ABCA13: variants seen among roughly 807,000 people sequenced by gnomAD.
The protein encoded by ABCA13 is ATP-binding cassette sub-family A member 13.
In ABCA13, 476 loss-of-function variants were observed where a neutral mutation model predicts 478.7. The observed-to-expected ratio is 0.99, with a 90% CI of 0.92 to 1.07. The LOEUF is 1.07. ABCA13 is among the 50% of genes least tolerant of loss of function. The pLI is 0.00. For missense variants in ABCA13, 6,060 were observed against 5,910.6 expected (o/e 1.03, Z -0.83); for synonymous variants, 2,252 against 2,158.9 (o/e 1.04, Z -1.20).
At chr7:48,378,089 G>A (rs1813783207) in intron 35 of ABCA13, among the ~76,000 whole-genome samples, 1 of 152,176 alleles carries the variant, frequency 6.6e-6, no homozygotes, top group East Asian at 1.9e-4. Context: ...ATCCCACTGT[G>A]GAATTCTAAA....
At chr7:48,231,576 A>G (rs982363452) in intron 7 of ABCA13, among the ~76,000 whole-genome samples, 1 of 152,130 alleles carries the variant, frequency 6.6e-6, no homozygotes, top group Non-Finnish European at 1.5e-5. Flanking sequence ...AGTAGATTGG[A>G]GGCAGGTAGT....
chr7:48,336,753 G>A (rs1179246792), intron 28 of ABCA13, among the ~76,000 whole-genome samples: 1 of 152,214 alleles, frequency 6.6e-6, no homozygotes, highest in Admixed American at 6.5e-5. Flanking sequence ...TTCTCACAGC[G>A]ACCATGGCCA....
chr7:48,206,196 G>T (rs903463515), intron 3 of ABCA13, among the ~76,000 whole-genome samples: 1 of 152,198 alleles, frequency 6.6e-6, no homozygotes, highest in African/African-American at 2.4e-5. Flanking sequence ...GTATTAGTAT[G>T]GTCATGCACC....
chr7:48,246,044 C>A lies in ABCA13; in HGVS notation c.1659+14C>A, dbSNP rs1375080724. ...GTAGAGGATGCTGTAAGTATTCTACCATCTTAGCTCTTCTAAGGGCACAAA... is the reference window on the plus strand; with the variant it reads ...GTAGAGGATGCTGTAAGTATTCTACAATCTTAGCTCTTCTAAGGGCACAAA... On this transcript the variant is annotated intron_variant, in intron 13 of 61. Coordinates refer to ENST00000435803, the MANE Select transcript of ABCA13 (RefSeq NM_152701.5). The A allele has an allele frequency of 5.6e-6, 9 of 1,607,720 alleles. No homozygotes were observed. In the East Asian group the frequency reaches 2.0e-4, roughly 36 times the overall value.
At chr7:48,581,524 C>G (rs2131369414) in intron 56 of ABCA13, among the ~76,000 whole-genome samples, 1 of 152,252 alleles carries the variant, frequency 6.6e-6, no homozygotes, top group South Asian at 2.1e-4. Context: ...TCTGTCAGCT[C>G]CTCTTTGTTA....
chr7:48,415,131 A>G (rs2129104100), intron 41 of ABCA13, among the ~76,000 whole-genome samples: 1 of 152,308 alleles, frequency 6.6e-6, no homozygotes, highest in East Asian at 1.9e-4. Context: ...GCTATGTCAG[A>G]CACCACAGTT....
Position 48,520,063 on chromosome 7 carries a change from T to C in ABCA13, c.13820T>C (p.Val4607Ala). The C allele has an allele frequency of 6.2e-7, 1 of 1,612,728 alleles. No homozygotes were observed. The highest frequency in any genetic ancestry group is 8.5e-7 in the Non-Finnish European group (1 of 1,179,240). ...CAGAATTTACAGAATATCTATGATG[T>C]CCTCAAGTGGGTCTTTACTATTTTT... ...KAKNLQNIYDVLKWVFTIFPQ... is the reference protein window; with the variant it reads ...KAKNLQNIYDALKWVFTIFPQ... Residue 4607 changes from valine to alanine, a missense_variant, in exon 53 of 62, where the codon GTC (valine) becomes GCC (alanine). This residue lies in a region of ABCA13 where 1,627 missense variants were observed against 1,571.0 expected (regional missense o/e 1.04). Transcript: ENST00000435803.
intron 19 of ABCA13, among the ~76,000 whole-genome samples, chr7:48,283,476 A>G (rs1233764703): frequency 6.6e-6 from 1 of 152,134 alleles, no homozygotes; most frequent in Non-Finnish European, 1.5e-5. Context: ...AGACTTGCGT[A>G]GTGAGGATGT....
intron 27 of ABCA13, among the ~76,000 whole-genome samples, chr7:48,327,247 G>A (rs1233217210): frequency 6.6e-6 from 1 of 152,184 alleles, no homozygotes; most frequent in Non-Finnish European, 1.5e-5. Flanking sequence ...TTTTCACAGG[G>A]CAGCAGGAGA....
intron 23 of ABCA13, among the ~76,000 whole-genome samples, chr7:48,303,130 T>C (rs543742579): frequency 5.9e-5 from 9 of 152,346 alleles, no homozygotes; most frequent in African/African-American, 2.2e-4. Context: ...GCTGCATGTA[T>C]GTTTTCTTCT....
chr7:48,314,613 T>C (rs1275414095), intron 26 of ABCA13, among the ~76,000 whole-genome samples: 1 of 152,162 alleles, frequency 6.6e-6, no homozygotes, highest in African/African-American at 2.4e-5. Context: ...TCCTCTCACC[T>C]GAGTCACTAA....
intron 16 of ABCA13, among the ~76,000 whole-genome samples, chr7:48,269,334 A>G (rs1356765939): frequency 6.6e-6 from 1 of 152,250 alleles, no homozygotes; most frequent in Non-Finnish European, 1.5e-5. Context: ...TCGTAGTAAG[A>G]AGATTTTCCT....
intron 45 of ABCA13, among the ~76,000 whole-genome samples, chr7:48,473,302 C>G (rs561345335): frequency 6.6e-6 from 1 of 152,126 alleles, no homozygotes; most frequent in Non-Finnish European, 1.5e-5. Context: ...ATGTTCCAAG[C>G]AAGCTCCCCG....
intron 58 of ABCA13, among the ~76,000 whole-genome samples, chr7:48,614,061 T>G (rs529521141): frequency 6.7e-6 from 1 of 149,334 alleles, no homozygotes; most frequent in African/African-American, 2.4e-5. Flanking sequence ...TAAGGTAATA[T>G]TTAATATTTA....
intron 57 of ABCA13, among the ~76,000 whole-genome samples, chr7:48,587,920 C>T (rs548156144): frequency 2.6e-5 from 4 of 152,042 alleles, no homozygotes; most frequent in Non-Finnish European, 5.9e-5. Flanking sequence ...CAAGTAATGC[C>T]ATTGAAAGAA....
At position 48,278,676 on chromosome 7, in the gene ABCA13, C is replaced by A; in HGVS notation, c.7482C>A (p.Pro2494=). The A allele has an allele frequency of 1.9e-6, 3 of 1,613,566 alleles. No individual in the cohort carries two copies. The highest frequency in any genetic ancestry group is 2.5e-6 in the Non-Finnish European group (3 of 1,179,546). Residue 2494 remains proline (P), a synonymous_variant, in exon 18 of 62, where the codon CCC becomes CCA. Coordinates refer to ENST00000435803, the MANE Select transcript of ABCA13 (RefSeq NM_152701.5). The part of the protein sequence containing the change: ...RASEESHVLK[P]LLEMSGTLVM... ...GTGAAGAAAGTCACGTCCTGAAACCCCTCTTAGAAATGTCTGGGACTCTGG... is the reference window on the plus strand; with the variant it reads ...GTGAAGAAAGTCACGTCCTGAAACCACTCTTAGAAATGTCTGGGACTCTGG...
At chr7:48,443,579 G>A (rs568230358) in intron 42 of ABCA13, among the ~76,000 whole-genome samples, 4 of 152,230 alleles carry the variant, frequency 2.6e-5, no homozygotes, top group African/African-American at 9.6e-5. Flanking sequence ...GTTACTCATC[G>A]CATGGTTTTC....
In ABCA13 at chr7:48,499,223, C is replaced by T. The variant is rs548727370; in HGVS notation, c.13292-7113C>T. On this transcript the variant is annotated intron_variant, in intron 48 of 61. Transcript: ENST00000435803. ...GAAAGTCATCAAAACGCCTTGTAGT[C>T]AGAAGAACGCATATATTTCTTTTAA... Among the ~76,000 whole-genome samples the T allele has an allele frequency of 1.2e-4, 19 of 152,206 alleles. No homozygotes were observed. In the South Asian group the frequency reaches 3.7e-3, roughly 30 times the overall value.
intron 39 of ABCA13, among the ~76,000 whole-genome samples, chr7:48,409,926 C>CAAAA (rs58737850): frequency 1.1e-4 from 14 of 124,128 alleles, no homozygotes; most frequent in Admixed American, 4.1e-4. Flanking sequence ...CTAAAAATAC[C>CAAAA]AAAAAAAAAA....
Sources: allele counts gnomAD v4.1 joint callset (sites outside exome capture counted in the v4.1 genomes callset), GRCh38; gene constraint gnomAD v4.1.1; regional missense constraint gnomAD v4.1.1; transcripts MANE v1.5; gene names NCBI Gene and HGNC (gene_info 2026-07-23, HGNC 2026-07-21).